AFF3: variants seen among roughly 807,000 people sequenced by gnomAD.
AFF3 encodes the protein AF4/FMR2 family member 3.
In AFF3, 32 loss-of-function variants were observed where a neutral mutation model predicts 129.7. The ratio of observed to expected loss-of-function variants is 0.25; its 90% CI spans 0.19 to 0.33. AFF3 has a LOEUF of 0.33. Among genes scored for constraint, AFF3 ranks in the 10% least tolerant of loss-of-function variants. The probability of loss-of-function intolerance (pLI) is 1.00; values close to 1 mark genes in which losing one functional copy is unlikely to be tolerated. For synonymous variants in AFF3, 644 were observed against 635.4 expected (o/e 1.01, Z -0.20); for missense variants, 1,373 against 1,592.0 (o/e 0.86, Z 2.34).
chr2:99,838,907 G>A (rs1015303249), intron 7 of AFF3, among the ~76,000 whole-genome samples: 27 of 152,146 alleles, frequency 1.8e-4, no homozygotes, highest in Admixed American at 5.2e-4. Context: ...CTGGGGTAGA[G>A]CATTTCCTTT....
chr2:99,983,248 A>G (rs1389953707), intron 7 of AFF3, among the ~76,000 whole-genome samples: 2 of 152,218 alleles, frequency 1.3e-5, no homozygotes, highest in African/African-American at 4.8e-5. Flanking sequence ...CCAATGGCAG[A>G]GGTGGCAGAG....
At chr2:99,992,597 C>T (rs1299249561) in intron 7 of AFF3, among the ~76,000 whole-genome samples, 1 of 152,110 alleles carries the variant, frequency 6.6e-6, no homozygotes, top group Admixed American at 6.5e-5. Context: ...TGTTCTAAAA[C>T]ACTTGGAGTT....
chr2:99,897,729 G>A (rs1445813167), intron 7 of AFF3, among the ~76,000 whole-genome samples: 2 of 152,102 alleles, frequency 1.3e-5, no homozygotes, highest in Non-Finnish European at 2.9e-5. Flanking sequence ...TCATTTGACA[G>A]TCCTTTCTGA....
intron 7 of AFF3, among the ~76,000 whole-genome samples, chr2:99,850,640 T>G (rs982838568): frequency 1.6e-4 from 25 of 152,232 alleles, no homozygotes; most frequent in Non-Finnish European, 3.2e-4. Flanking sequence ...AACCTACACT[T>G]CTAAAATGTA....
intron 4 of AFF3, among the ~76,000 whole-genome samples, chr2:100,055,615 A>T (rs1686705646): frequency 6.6e-6 from 1 of 152,212 alleles, no homozygotes; most frequent in South Asian, 2.1e-4. Flanking sequence ...GCTGAGAACC[A>T]GTGTTCTGTC....
intron 7 of AFF3, among the ~76,000 whole-genome samples, chr2:99,914,130 C>A (rs1386718484): frequency 6.6e-6 from 1 of 152,096 alleles, no homozygotes; most frequent in African/African-American, 2.4e-5. Flanking sequence ...TTGGCAGATA[C>A]CCTCTTAACC....
intron 11 of AFF3, among the ~76,000 whole-genome samples, chr2:99,688,880 C>G (rs1226265573): frequency 6.6e-6 from 1 of 152,192 alleles, no homozygotes; most frequent in Non-Finnish European, 1.5e-5. Flanking sequence ...GCAATCACCA[C>G]ACAATACATG....
rs144307014 is a variant in AFF3 at position 100,001,649 on chromosome 2, A to G, written c.873+4983T>C. 4.4e-3 allele frequency among the ~76,000 whole-genome samples: 676 copies of G among 152,326 alleles called. 15 individuals carry two copies. The highest frequency in any genetic ancestry group is 0.035 in the Admixed American group (536 of 15,306). ...TACCGTGTTGGCCAGGATGGTCTCC[A>G]TCTCCTGACCTCGTGATCCACCCGC... On this transcript the variant is annotated intron_variant, in intron 7 of 24. Coordinates refer to ENST00000672756, the MANE Select transcript of AFF3 (RefSeq NM_001386135.1).
intron 8 of AFF3, 68 bp downstream of exon 8, chr2:99,837,409 G>T: frequency 6.9e-7 from 1 of 1,450,242 alleles, no homozygotes; most frequent in Non-Finnish European, 9.6e-7. Flanking sequence ...TCATGGAGCC[G>T]CAGGTTTCCT....
Position 99,553,917 on chromosome 2 carries a change from C to CAAAAAAAAAA in AFF3, c.3559+393_3559+394insTTTTTTTTTT, listed in dbSNP as rs1674649199. Reference sequence around the variant, plus strand: ...CAACAGAGCAAGATTCTGTCTCAAACCAAAAAAAAAAAAAAAAAAAAAAAG... The same window carrying CAAAAAAAAAA: ...CAACAGAGCAAGATTCTGTCTCAAACAAAAAAAAAACAAAAAAAAAAAAAAAAAAAAAAAG... On this transcript the variant is annotated intron_variant, in intron 24 of 24. Coordinates refer to ENST00000672756, the MANE Select transcript of AFF3 (RefSeq NM_001386135.1). Among the ~76,000 whole-genome samples, 248 of 72,412 alleles carry CAAAAAAAAAA rather than the reference C, an allele frequency of 3.4e-3. 1 individual carries two copies. Among genetic ancestry groups the CAAAAAAAAAA allele is most frequent in the Non-Finnish European group, 4.1e-3 (171 of 41,830 alleles). The allele number at this position is 72,412 out of a possible 152,430, so 47.5% of individuals were successfully genotyped here.
rs550204152 is a variant in AFF3, at chr2:99,978,661, C to T, written c.873+27971G>A. ...AAATTCTCATGTTGAATATCATAAC[C>T]CCCAAGGTGATGATATCAAGAAGAG... is the stretch of plus-strand genomic sequence containing the variant. On this transcript the variant is annotated intron_variant, in intron 7 of 24. Transcript: ENST00000672756. Among the ~76,000 whole-genome samples the T allele has an allele frequency of 1.6e-4, 24 of 152,218 alleles. No individual in the cohort carries two copies. The South Asian group carries it at 4.8e-3, about 30-fold the overall frequency.
At chr2:99,911,698 C>T (rs2106199779) in intron 7 of AFF3, among the ~76,000 whole-genome samples, 1 of 152,274 alleles carries the variant, frequency 6.6e-6, no homozygotes, top group Middle Eastern at 3.4e-3. Context: ...TGAAAGAAGG[C>T]TCAGTGGTAA....
intron 8 of AFF3, among the ~76,000 whole-genome samples, chr2:99,768,908 G>A (rs947255821): frequency 6.6e-6 from 1 of 152,068 alleles, no homozygotes; most frequent in Non-Finnish European, 1.5e-5. Flanking sequence ...CTTTTCTCTT[G>A]TTGCTTTTAG....
At chr2:99,763,004 C>A (rs1028627663) in intron 8 of AFF3, among the ~76,000 whole-genome samples, 1 of 152,238 alleles carries the variant, frequency 6.6e-6, no homozygotes, top group Non-Finnish European at 1.5e-5. Flanking sequence ...TACAACACTG[C>A]ATCTCATCTA....
intron 4 of AFF3, among the ~76,000 whole-genome samples, chr2:100,025,597 A>C (rs772215716): frequency 6.6e-6 from 1 of 152,194 alleles, no homozygotes; most frequent in Non-Finnish European, 1.5e-5. Flanking sequence ...CCAAAGCAAG[A>C]CTAAGTAAAA....
chr2:99,931,269 C>G (rs1374489332), intron 7 of AFF3, among the ~76,000 whole-genome samples: 2 of 152,206 alleles, frequency 1.3e-5, no homozygotes, highest in Non-Finnish European at 2.9e-5. Flanking sequence ...AAGCCACTCC[C>G]TGGAGATGTC....
rs576281910 is a variant in AFF3 at position 100,088,401 on chromosome 2, C to T, written c.53+16001G>A. Among the ~76,000 whole-genome samples the T allele has an allele frequency of 3.3e-5, 5 of 152,302 alleles. No individual in the cohort carries two copies. The East Asian group carries it at 9.6e-4, about 29-fold the overall frequency. On this transcript the variant is annotated intron_variant, in intron 4 of 24. Coordinates refer to ENST00000672756, the MANE Select transcript of AFF3 (RefSeq NM_001386135.1). The stretch of plus-strand genomic sequence containing the variant: ...CCATGTTACCATCACTAAATAATCA[C>T]TGGCACCTAAAAAGCTTCCTCTTTT...
chr2:99,690,629 G>T (rs926711513), intron 11 of AFF3, among the ~76,000 whole-genome samples: 7 of 152,064 alleles, frequency 4.6e-5, no homozygotes, highest in Admixed American at 3.3e-4. Context: ...CGGTTGTATG[G>T]GTGCTTATGA....
At chr2:99,849,061 T>C (rs1576179189) in intron 7 of AFF3, among the ~76,000 whole-genome samples, 1 of 151,938 alleles carries the variant, frequency 6.6e-6, no homozygotes. Flanking sequence ...AGGTAAATGG[T>C]GTAGTGTGAA....
Sources: gnomAD v4.1 joint callset for allele counts (sites outside exome capture counted in the v4.1 genomes callset) on GRCh38, gnomAD v4.1.1 for gene constraint, MANE v1.5 for transcripts, NCBI Gene and HGNC (gene_info 2026-07-23, HGNC 2026-07-21) for gene names.